PIGK: variants seen among roughly 807,000 people sequenced by gnomAD.
PIGK encodes the protein GPI-anchor transamidase.
PIGK carries 42 observed loss-of-function variants against 50.6 expected under a neutral mutation model. That is an observed-to-expected ratio of 0.83 (90% CI 0.65 to 1.07). PIGK has a LOEUF of 1.07. Ranked by LOEUF, PIGK falls within the 50% of genes least tolerant of loss-of-function variation. PIGK has a pLI of 0.00. For missense variants in PIGK, 448 were observed against 488.7 expected (o/e 0.92, Z 0.78); for synonymous variants, 151 against 156.0 (o/e 0.97, Z 0.24).
At chr1:77,189,557 T>G (rs1172541571) in intron 3 of PIGK, among the ~76,000 whole-genome samples, 1 of 151,914 alleles carries the variant, frequency 6.6e-6, no homozygotes, top group Admixed American at 6.6e-5. Flanking sequence ...GACATCTTTC[T>G]CCCATGTTGG....
chr1:77,182,505 A>ATCT (rs1557816650), intron 3 of PIGK, among the ~76,000 whole-genome samples: 2 of 150,220 alleles, frequency 1.3e-5, no homozygotes, highest in African/African-American at 4.9e-5. Flanking sequence ...ACCCAGGATC[A>ATCT]ATCTATCTAT....
At chr1:77,166,673 G>T in intron 5 of PIGK, 46 bp downstream of exon 5, 1 of 906,056 alleles carries the variant, frequency 1.1e-6, no homozygotes, top group South Asian at 1.6e-5. Context: ...TCTTTTCAAA[G>T]AGTTTCAATA....
Position 77,130,112 on chromosome 1 carries a change from G to A in PIGK, c.987-7753C>T, listed in dbSNP as rs552681869. Among the ~76,000 whole-genome samples, 5 of 148,986 alleles carry A rather than the reference G, an allele frequency of 3.4e-5. No individual in the cohort carries two copies. The South Asian group carries it at 1.1e-3, about 31-fold the overall frequency. ...TATGTGGCGTTATTTCGATAATCTA[G>A]ACAGAAATTCTTTGAAATAGATGTT... On this transcript the variant is annotated intron_variant, in intron 9 of 10. Transcript: ENST00000370812.
At chr1:77,177,983 T>C (rs571094624) in intron 3 of PIGK, among the ~76,000 whole-genome samples, 2 of 152,282 alleles carry the variant, frequency 1.3e-5, no homozygotes, top group South Asian at 2.1e-4. Flanking sequence ...TTTCCCAAGA[T>C]CACGAATCAA....
At chr1:77,171,505 C>T (rs1440442505) in intron 3 of PIGK, among the ~76,000 whole-genome samples, 1 of 140,296 alleles carries the variant, frequency 7.1e-6, no homozygotes, top group Non-Finnish European at 1.5e-5. Flanking sequence ...GGGTTAATTT[C>T]ACTCTGTGAA....
chr1:77,115,886 C>A (rs957755857), intron 10 of PIGK, among the ~76,000 whole-genome samples: 1 of 152,040 alleles, frequency 6.6e-6, no homozygotes, highest in African/African-American at 2.4e-5. Flanking sequence ...AGAAATCTTG[C>A]AACGTATTAA....
intron 9 of PIGK, among the ~76,000 whole-genome samples, chr1:77,129,900 G>A (rs988396696): frequency 5.3e-5 from 8 of 151,794 alleles, no homozygotes; most frequent in African/African-American, 1.7e-4. Context: ...ACTGCCACCA[G>A]AAATGCATTA....
chr1:77,158,056 A>G lies in PIGK; in HGVS notation c.813+3239T>C, dbSNP rs181513934. ...TATTGAGACAGAGTCTCACTCTGTC[A>G]CCCAGGCTGGAGTGCAGTGGCGCAA... is the stretch of plus-strand genomic sequence containing the variant. On this transcript the variant is annotated intron_variant, in intron 8 of 10. Coordinates refer to ENST00000370812, the MANE Select transcript of PIGK (RefSeq NM_005482.3). 4.4e-3 allele frequency among the ~76,000 whole-genome samples: 669 copies of G among 152,284 alleles called. 9 individuals carry two copies. Among genetic ancestry groups the G allele is most frequent in the Non-Finnish European group, 5.8e-3 (395 of 68,010 alleles).
chr1:77,129,229 T>G (rs763264742), intron 9 of PIGK: 37 of 1,603,078 alleles, frequency 2.3e-5, no homozygotes, highest in Non-Finnish European at 3.0e-5. Context: ...ATCAAGGGTA[T>G]GCATATACAA....
intron 3 of PIGK, chr1:77,195,511 G>A (rs961762724): frequency 1.5e-5 from 9 of 591,920 alleles, no homozygotes; most frequent in African/African-American, 5.5e-5. Context: ...ACAGTTTTAC[G>A]GAAATTCAAG....
chr1:77,207,987 C>A (rs1656328417), intron 2 of PIGK, among the ~76,000 whole-genome samples: 1 of 151,874 alleles, frequency 6.6e-6, no homozygotes, highest in Non-Finnish European at 1.5e-5. Flanking sequence ...TTTGGGAGGC[C>A]AAGATGGAAG....
At chr1:77,218,758 C>T (rs1227777763) in intron 1 of PIGK, among the ~76,000 whole-genome samples, 2 of 152,106 alleles carry the variant, frequency 1.3e-5, no homozygotes, top group Non-Finnish European at 2.9e-5. Context: ...ATCCTGTGTC[C>T]ACGTTTAAAA....
intron 3 of PIGK, among the ~76,000 whole-genome samples, chr1:77,181,115 A>C (rs1421322050): frequency 6.6e-6 from 1 of 152,190 alleles, no homozygotes; most frequent in East Asian, 1.9e-4. Flanking sequence ...TTCTCAAAAA[A>C]AGTAGTCAGG....
chr1:77,175,279 C>G (rs937923286), intron 3 of PIGK, among the ~76,000 whole-genome samples: 4 of 151,996 alleles, frequency 2.6e-5, no homozygotes, highest in African/African-American at 9.7e-5. Flanking sequence ...TCTAGCTATG[C>G]AAAGAAGGTT....
At chr1:77,203,895 C>T (rs540375085) in intron 3 of PIGK, among the ~76,000 whole-genome samples, 26 of 152,290 alleles carry the variant, frequency 1.7e-4, no homozygotes, top group African/African-American at 6.3e-4. Flanking sequence ...ATCCCATCAT[C>T]TTGGTAAACT....
rs138493120 is a variant in PIGK, at chr1:77,219,365, A to G, written c.38T>C (p.Val13Ala). The change falls in exon 1 of 11, where the codon GTC (valine) becomes GCC (alanine). Residue 13 changes from valine (V) to alanine (A), a missense_variant. Transcript: ENST00000370812. ...GGACAAGAGCAACACAGTTGCCAAG[A>G]CAGTCGCAGCCCGGCTGAGGCTGTC... ...VTDSLSRAAT[V>A]LATVLLLSFG... is the part of the protein sequence containing the mutation. The G allele has an allele frequency of 1.6e-4, 252 of 1,613,812 alleles. No individual in the cohort carries two copies. In the African/African-American group the frequency reaches 2.8e-3, roughly 18 times the overall value.
At chr1:77,156,857 A>G (rs1218573358) in intron 8 of PIGK, among the ~76,000 whole-genome samples, 1 of 152,204 alleles carries the variant, frequency 6.6e-6, no homozygotes, top group African/African-American at 2.4e-5. Flanking sequence ...AGTTCTGTGG[A>G]GTGTAAGATG....
intron 9 of PIGK, among the ~76,000 whole-genome samples, chr1:77,131,890 G>C (rs554355409): frequency 6.6e-6 from 1 of 151,844 alleles, no homozygotes; most frequent in South Asian, 2.1e-4. Context: ...AATTATATTC[G>C]TTCCACCAAA....
Position 77,169,149 on chromosome 1 carries a change from A to G in PIGK, c.375+111T>C, listed in dbSNP as rs1044440582. ...TTCAGAGAAGTTACATCAAGGCTTC[A>G]GTGACAATTAAATTTAAAGAAAAAT... On this transcript the variant is annotated intron_variant, in intron 4 of 10. Transcript: ENST00000370812. The G allele has an allele frequency of 1.4e-5, 9 of 629,944 alleles. No individual in the cohort carries two copies. The African/African-American group carries it at 1.7e-4, about 12-fold the overall frequency. 39.0% of individuals were successfully genotyped at this position (629,944 alleles called of 1,614,324 possible).
Sources: allele counts gnomAD v4.1 joint callset (sites outside exome capture counted in the v4.1 genomes callset), GRCh38; gene constraint gnomAD v4.1.1; transcripts MANE v1.5; gene names NCBI Gene and HGNC (gene_info 2026-07-23, HGNC 2026-07-21).